The following ADAMTS17 variants were observed in gnomAD, a reference collection of about 807,000 sequenced individuals.
ADAMTS17 encodes ADAM metallopeptidase with thrombospondin type 1 motif 17, also known as A disintegrin and metalloproteinase with thrombospondin motifs 17.
Under a neutral mutation model 141.5 loss-of-function variants are expected in ADAMTS17, and 113 were observed. That is an observed-to-expected ratio of 0.80 (90% CI 0.69 to 0.93). The LOEUF (loss-of-function observed/expected upper bound fraction) is 0.93. ADAMTS17 is among the 40% of genes least tolerant of loss of function. The pLI, the probability that ADAMTS17 is intolerant of heterozygous loss-of-function variation, is 0.00. For synonymous variants in ADAMTS17, 768 were observed against 630.6 expected (o/e 1.22, Z -3.27); for missense variants, 1,659 against 1,517.9 (o/e 1.09, Z -1.54).
intron 4 of ADAMTS17, 151 bp downstream of exon 4, chr15:100,281,078 C>T: frequency 1.7e-6 from 2 of 1,165,682 alleles, no homozygotes; most frequent in South Asian, 1.5e-5. Context: ...TACTTGCCCT[C>T]CTCAATGCCC....
At chr15:100,241,063 A>T (rs1257766749) in intron 7 of ADAMTS17, among the ~76,000 whole-genome samples, 6 of 151,976 alleles carry the variant, frequency 3.9e-5, no homozygotes, top group Admixed American at 3.3e-4. Context: ...TGACCTTGTG[A>T]TCCATCCACA....
intron 8 of ADAMTS17, among the ~76,000 whole-genome samples, chr15:100,189,941 G>A (rs936561431): frequency 2.0e-5 from 3 of 152,096 alleles, no homozygotes; most frequent in African/African-American, 7.2e-5. Flanking sequence ...CAGCATCACC[G>A]GGGCCTTGGA....
chr15:100,070,365 T>C (rs1308512999), intron 15 of ADAMTS17, among the ~76,000 whole-genome samples: 1 of 150,070 alleles, frequency 6.7e-6, no homozygotes, highest in African/African-American at 2.5e-5. Context: ...TATCCAGGAA[T>C]TGAACTCAGC....
chr15:100,026,915 A>C (rs1014765584), intron 18 of ADAMTS17, among the ~76,000 whole-genome samples: 10 of 152,232 alleles, frequency 6.6e-5, no homozygotes, highest in Non-Finnish European at 1.5e-4. Flanking sequence ...TCACACCAGC[A>C]ATGACAGAGA....
intron 20 of ADAMTS17, chr15:99,980,035 A>G (rs2141281021): frequency 6.6e-6 from 1 of 152,324 alleles, no homozygotes; most frequent in East Asian, 1.9e-4. Context: ...ACTTAAGAAC[A>G]GAGGGCTGGG....
chr15:100,084,895 A>T (rs2034998226), intron 15 of ADAMTS17, among the ~76,000 whole-genome samples: 1 of 152,238 alleles, frequency 6.6e-6, no homozygotes, highest in East Asian at 1.9e-4. Context: ...CATGGGGAAA[A>T]AACAGTGCAG....
At chr15:100,337,449 G>C (rs943440715) in intron 2 of ADAMTS17, among the ~76,000 whole-genome samples, 3 of 152,266 alleles carry the variant, frequency 2.0e-5, no homozygotes, top group African/African-American at 7.2e-5. Context: ...GAGGATCCCC[G>C]ACCTTCTCAC....
At chr15:99,986,552 C>T (rs8031234) in intron 20 of ADAMTS17, among the ~76,000 whole-genome samples, 1 of 152,140 alleles carries the variant, frequency 6.6e-6, no homozygotes, top group Non-Finnish European at 1.5e-5. Flanking sequence ...GTCAGATCAG[C>T]CCCTTCCACT....
At chr15:99,982,809 A>C (rs528680443) in intron 20 of ADAMTS17, among the ~76,000 whole-genome samples, 1 of 152,220 alleles carries the variant, frequency 6.6e-6, no homozygotes, top group Non-Finnish European at 1.5e-5. Flanking sequence ...ACCTGAAGTG[A>C]GTGGAGCCCC....
intron 9 of ADAMTS17, among the ~76,000 whole-genome samples, chr15:100,153,382 A>T (rs374092156): frequency 9.9e-5 from 15 of 152,086 alleles, no homozygotes; most frequent in African/African-American, 2.9e-4. Context: ...GGCTCACACC[A>T]GTAATCCCAG....
chr15:100,171,720 C>A (rs780992897), intron 8 of ADAMTS17, among the ~76,000 whole-genome samples: 4 of 152,178 alleles, frequency 2.6e-5, no homozygotes, highest in Non-Finnish European at 5.9e-5. Flanking sequence ...TGTTTCTCTA[C>A]ACCTCAATGG....
At chr15:100,010,006 T>A (rs2061129036) in intron 18 of ADAMTS17, among the ~76,000 whole-genome samples, 1 of 152,202 alleles carries the variant, frequency 6.6e-6, no homozygotes, top group African/African-American at 2.4e-5. Context: ...AACTGAATCA[T>A]GAGGGTGGTT....
At chr15:100,331,130 G>A in intron 2 of ADAMTS17, 76 bp from the exon 3 acceptor site, 1 of 1,570,522 alleles carries the variant, frequency 6.4e-7, no homozygotes, top group Non-Finnish European at 8.7e-7. Flanking sequence ...GGAGGGGCAG[G>A]CAAGACCACC....
intron 5 of ADAMTS17, 115 bp downstream of exon 5, chr15:100,262,237 G>C: frequency 2.2e-6 from 2 of 921,838 alleles, no homozygotes; most frequent in Non-Finnish European, 1.7e-6. Context: ...CAAAGCCACA[G>C]AGAGTGACGG....
At chr15:100,108,513 C>T (rs1417044487) in intron 14 of ADAMTS17, among the ~76,000 whole-genome samples, 3 of 152,124 alleles carry the variant, frequency 2.0e-5, no homozygotes, top group Non-Finnish European at 4.4e-5. Flanking sequence ...ACTGTTCTAA[C>T]CAGTCATGGC....
chr15:100,325,082 C>T (rs922661486), intron 3 of ADAMTS17, among the ~76,000 whole-genome samples: 3 of 152,158 alleles, frequency 2.0e-5, no homozygotes, highest in Non-Finnish European at 4.4e-5. Flanking sequence ...ACCTTTTAGA[C>T]ATTTATGACG....
chr15:100,081,236 C>G (rs986483738), intron 15 of ADAMTS17, among the ~76,000 whole-genome samples: 1 of 152,202 alleles, frequency 6.6e-6, no homozygotes, highest in East Asian at 1.9e-4. Flanking sequence ...CCTGGAACAT[C>G]AGACCCCAAG....
At chr15:100,197,643 G>C (rs951078398) in intron 8 of ADAMTS17, among the ~76,000 whole-genome samples, 2 of 152,114 alleles carry the variant, frequency 1.3e-5, no homozygotes, top group African/African-American at 4.8e-5. Context: ...TTCTCATCTT[G>C]CTTCACCAGG....
chr15:100,281,448 C>T (rs762717097), intron 3 of ADAMTS17, 47 bp from the exon 4 acceptor site: 143 of 1,583,134 alleles, frequency 9.0e-5, no homozygotes, highest in Non-Finnish European at 1.2e-4. Flanking sequence ...TTACTGACTT[C>T]CAAAACCATG....
Sources: allele counts gnomAD v4.1 joint callset (sites outside exome capture counted in the v4.1 genomes callset), GRCh38; gene constraint gnomAD v4.1.1; transcripts MANE v1.5; gene names NCBI Gene and HGNC (gene_info 2026-07-23, HGNC 2026-07-21).